KCNC3: variants seen among roughly 807,000 people sequenced by gnomAD.
KCNC3 encodes the protein potassium voltage-gated channel subfamily C member 3.
A neutral mutation model predicts 43.9 loss-of-function variants in KCNC3; 22 were observed. The ratio of observed to expected loss-of-function variants is 0.50; its 90% CI spans 0.36 to 0.72. KCNC3 has a LOEUF of 0.72. Among genes scored for constraint, KCNC3 ranks in the 30% least tolerant of loss-of-function variants. KCNC3 has a pLI of 0.00. For missense variants in KCNC3, 829 were observed against 1,073.8 expected (o/e 0.77, Z 3.19); for synonymous variants, 492 against 488.0 (o/e 1.01, Z -0.11).
chr19:50,329,018 G>C lies in KCNC3; in HGVS notation c.65C>G (p.Ala22Gly). 1 of 1,316,890 alleles carries C rather than the reference G, an allele frequency of 7.6e-7. No individual in the cohort carries two copies. Among genetic ancestry groups the C allele is most frequent in the Non-Finnish European group, 9.7e-7 (1 of 1,025,946 alleles). 81.6% of individuals were successfully genotyped at this position (1,316,890 alleles called of 1,614,324 possible). ...GRQGASKQQP[A>G]PPPQPPESPP... ...GGACTCGGGCGGCTGCGGCGGTGGCGCCGGCTGCTGCTTGCTGGCCCCCTG... is the reference window on the plus strand; with the variant it reads ...GGACTCGGGCGGCTGCGGCGGTGGCCCCGGCTGCTGCTTGCTGGCCCCCTG... The change falls in exon 1 of 5, where the codon GCG (alanine) becomes GGG (glycine). Residue 22 changes from alanine (A) to glycine (G), a missense_variant. By Grantham distance (60) the Ala-to-Gly change is moderately conservative. Transcript: ENST00000477616.
At chr19:50,320,814 C>A in intron 2 of KCNC3, 30 bp from the exon 3 acceptor site, 7 of 1,609,258 alleles carry the variant, frequency 4.3e-6, no homozygotes, top group Non-Finnish European at 5.9e-6. Context: ...GACAGAGAGA[C>A]AAAGGAGAGA....
At chr19:50,321,784 AAAAG>A (rs1335982840) in intron 2 of KCNC3, among the ~76,000 whole-genome samples, 7 of 151,860 alleles carry the variant, frequency 4.6e-5, no homozygotes, top group Non-Finnish European at 7.4e-5. Flanking sequence ...TAAGAAAAAA[AAAAG>A]AGAGAGATGG....
At chr19:50,316,680 G>A (rs1304642126) in intron 4 of KCNC3, among the ~76,000 whole-genome samples, 1 of 152,140 alleles carries the variant, frequency 6.6e-6, no homozygotes, top group Admixed American at 6.5e-5. Flanking sequence ...AGGCTGCAGT[G>A]AACCAAGATT....
chr19:50,326,341 G>GC (rs1212573851), intron 1 of KCNC3, among the ~76,000 whole-genome samples: 2 of 152,234 alleles, frequency 1.3e-5, no homozygotes, highest in East Asian at 3.8e-4. Flanking sequence ...GGGGGAAGGA[G>GC]CCGCTCAGTG....
chr19:50,318,162 C>T lies in KCNC3; in HGVS notation c.*23+2061G>A, dbSNP rs148317320. Among the ~76,000 whole-genome samples the T allele has an allele frequency of 5.4e-3, 754 of 138,878 alleles. 5 individuals are homozygous for T. Among genetic ancestry groups the T allele is most frequent in the African/African-American group, 0.023 (723 of 31,542 alleles). 91.1% of individuals were successfully genotyped at this position (138,878 alleles called of 152,430 possible). ...TATCTTTATCTTAATTGCTTCTTTT[C>T]TTCTTCTTCTTCTTCTTCTTTTTTT... On this transcript the variant is annotated intron_variant, in intron 4 of 4. Transcript: ENST00000477616.
At chr19:50,321,900 G>T (rs1171143454) in intron 2 of KCNC3, among the ~76,000 whole-genome samples, 1 of 152,090 alleles carries the variant, frequency 6.6e-6, no homozygotes, top group African/African-American at 2.4e-5. Context: ...TAGGGGTAGC[G>T]GGTGGAGGCA....
rs1220626456 is a variant in KCNC3, at chr19:50,315,004, A to G, written c.*1111T>C. 1 of 266,816 alleles carries G rather than the reference A, an allele frequency of 3.7e-6. No individual in the cohort carries two copies. The highest frequency in any genetic ancestry group is 3.1e-5 in the South Asian group (1 of 32,610). The allele number at this position is 266,816 out of a possible 1,614,324, so 16.5% of individuals were successfully genotyped here. On this transcript the variant is annotated 3_prime_UTR_variant, in exon 5 of 5. Coordinates refer to ENST00000477616, the MANE Select transcript of KCNC3 (RefSeq NM_004977.3). ...ATTTCTCGTAACCTGGGGGGTGGGG[A>G]GGTGTGCAGACACAGGGGGGAAGCA... is the stretch of plus-strand genomic sequence containing the variant.
At chr19:50,322,579 C>T (rs929636349) in intron 2 of KCNC3, among the ~76,000 whole-genome samples, 2 of 152,136 alleles carry the variant, frequency 1.3e-5, no homozygotes, top group Admixed American at 6.5e-5. Context: ...GTCTCTCTTC[C>T]CTCAGGGCTG....
upstream of KCNC3, chr19:50,329,740 CAAGG>C (rs2037161230): frequency 6.6e-6 from 1 of 152,454 alleles, no homozygotes. Flanking sequence ...CTTTCCCGCG[CAAGG>C]GGGACAGGCT....
chr19:50,328,242 C>A lies in KCNC3; in HGVS notation c.841G>T (p.Glu281Ter). The change falls in exon 1 of 5, where the codon GAG becomes TAG. Residue 281 changes from glutamate (E) to a stop codon, truncating the protein, a stop_gained. Transcript: ENST00000477616. LOFTEE classifies it high-confidence loss of function. ...GCAGCCCGCGACGAGTAGGGGTCCT[C>A]GAAGAGCGCCCACACGCGGGGCTGC... ...RWQPRVWALF[E>*]DPYSSRAARY... 8.3e-7 allele frequency: 1 copy of A among 1,199,872 alleles called. No homozygotes were observed. The highest frequency in any genetic ancestry group is 4.1e-5 in the South Asian group (1 of 24,538). 74.3% of individuals were successfully genotyped at this position (1,199,872 alleles called of 1,614,324 possible).
Position 50,320,583 on chromosome 19 carries a change from G to A in KCNC3, c.2170+10C>T, listed in dbSNP as rs771812919. ...AGGGTCCCAGGGGATCAGTAGGGGG[G>A]GCACCTCACCTTTTCGGATGGAGCC... On this transcript the variant is annotated intron_variant, in intron 3 of 4. Transcript: ENST00000477616. 3 of 1,609,370 alleles carry A rather than the reference G, an allele frequency of 1.9e-6. No homozygotes were observed. The highest frequency in any genetic ancestry group is 8.5e-7 in the Non-Finnish European group (1 of 1,178,586).
intron 1 of KCNC3, among the ~76,000 whole-genome samples, chr19:50,326,311 G>A (rs1231723253): frequency 6.6e-6 from 1 of 152,232 alleles, no homozygotes; most frequent in African/African-American, 2.4e-5. Flanking sequence ...GGTCACAGGA[G>A]AGAAGGGCGC....
chr19:50,333,458 T>G, upstream of KCNC3: 2 of 182,544 alleles, frequency 1.1e-5, no homozygotes, highest in East Asian at 1.4e-4. Context: ...CAGGAACTGG[T>G]AAACCCTTAC....
intron 4 of KCNC3, among the ~76,000 whole-genome samples, chr19:50,317,580 C>T (rs552146715): frequency 6.6e-5 from 10 of 152,162 alleles, no homozygotes; most frequent in East Asian, 1.9e-4. Context: ...GCCGAAAATC[C>T]GTCCTGATCT....
chr19:50,314,960 A>G lies in KCNC3; in HGVS notation c.*1155T>C. 3.4e-6 allele frequency: 1 copy of G among 290,284 alleles called. No individual in the cohort carries two copies. The allele number at this position is 290,284 out of a possible 1,614,324, so 18.0% of individuals were successfully genotyped here. ...CAGGGACACCCCGCTCAGGCCCGCG[A>G]TGCTGCTGAGGCTGCGGGATTTCTC... On this transcript the variant is annotated 3_prime_UTR_variant, in exon 5 of 5. Transcript: ENST00000477616.
chr19:50,320,440 G>C (rs924131114), intron 3 of KCNC3, 91 bp from the exon 4 acceptor site: 16 of 667,884 alleles, frequency 2.4e-5, no homozygotes, highest in Non-Finnish European at 3.9e-5. Flanking sequence ...CTTGGGGCGG[G>C]GGTACAGGGA....
chr19:50,325,444 C>T lies in KCNC3; in HGVS notation c.871-1362G>A, dbSNP rs183862104. Among the ~76,000 whole-genome samples the T allele has an allele frequency of 3.2e-3, 481 of 152,136 alleles. 1 individual carries two copies. Among genetic ancestry groups the T allele is most frequent in the African/African-American group, 0.011 (439 of 41,468 alleles). On this transcript the variant is annotated intron_variant, in intron 1 of 4. Coordinates refer to ENST00000477616, the MANE Select transcript of KCNC3 (RefSeq NM_004977.3). The stretch of plus-strand genomic sequence containing the variant: ...CCAGCACTGTCCCTCTGTGCACCCC[C>T]CTTCCTCCACAGGGGTTGGGCTCTG...
Position 50,314,754 on chromosome 19 carries a change from G to C in KCNC3, c.*1361C>G, listed in dbSNP as rs147707454. On this transcript the variant is annotated 3_prime_UTR_variant, in exon 5 of 5. Transcript: ENST00000477616. ...GGTTGCATATTATTAATGACTTTTT[G>C]ATTTTTTTTAAAAAAACCCTTTTCC... 1,709 of 438,274 alleles carry C rather than the reference G, an allele frequency of 3.9e-3. 33 individuals carry two copies. The highest frequency in any genetic ancestry group is 0.033 in the African/African-American group (1,576 of 48,118). 27.1% of individuals were successfully genotyped at this position (438,274 alleles called of 1,614,324 possible).
intron 4 of KCNC3, among the ~76,000 whole-genome samples, chr19:50,316,585 A>C (rs904457217): frequency 2.6e-5 from 4 of 151,948 alleles, no homozygotes; most frequent in African/African-American, 9.7e-5. Context: ...AAAATCCAAA[A>C]ATTAGCCGGG....
Sources: allele counts gnomAD v4.1 joint callset (sites outside exome capture counted in the v4.1 genomes callset), GRCh38; gene constraint gnomAD v4.1.1; transcripts MANE v1.5; gene names NCBI Gene and HGNC (gene_info 2026-07-23, HGNC 2026-07-21).